The following SHCBP1 variants were observed in gnomAD, a reference collection of about 807,000 sequenced individuals.
The protein encoded by SHCBP1 is SHC binding and spindle associated 1, also known as SHC SH2 domain-binding protein 1.
A neutral mutation model predicts 75.1 loss-of-function variants in SHCBP1; 60 were observed. The observed-to-expected ratio is 0.80, with a 90% confidence interval of 0.65 to 0.99. SHCBP1 has a LOEUF of 0.99. SHCBP1 is among the 50% of genes least tolerant of loss of function. The probability of loss-of-function intolerance (pLI) is 0.00; values close to 1 mark genes in which losing one functional copy is unlikely to be tolerated. For missense variants in SHCBP1, 709 were observed against 809.4 expected (o/e 0.88, Z 1.50); for synonymous variants, 290 against 293.2 (o/e 0.99, Z 0.11).
intron 1 of SHCBP1, chr16:46,620,977 G>A (rs748709472): frequency 1.0e-4 from 40 of 388,676 alleles, no homozygotes; most frequent in Admixed American, 2.6e-4. Flanking sequence ...TCCAGATAGG[G>A]AATTCCTGGC....
At chr16:46,597,051 C>T (rs1965155679) in intron 9 of SHCBP1, among the ~76,000 whole-genome samples, 1 of 152,156 alleles carries the variant, frequency 6.6e-6, no homozygotes, top group Non-Finnish European at 1.5e-5. Flanking sequence ...GTCTTCCATA[C>T]ACACTCATAC....
chr16:46,606,265 A>C (rs1965325786), intron 5 of SHCBP1, among the ~76,000 whole-genome samples: 1 of 152,210 alleles, frequency 6.6e-6, no homozygotes, highest in Non-Finnish European at 1.5e-5. Context: ...TTTGAAGCAG[A>C]AAGGAAAAAT....
At chr16:46,612,388 A>G (rs1965430499) in intron 4 of SHCBP1, among the ~76,000 whole-genome samples, 1 of 152,182 alleles carries the variant, frequency 6.6e-6, no homozygotes, top group Non-Finnish European at 1.5e-5. Flanking sequence ...GTGAAAAGGA[A>G]GCACTGAAAA....
chr16:46,584,283 T>C (rs1448374858), intron 10 of SHCBP1, 194 bp from the exon 11 acceptor site: 76 of 409,492 alleles, frequency 1.9e-4, no homozygotes, highest in Non-Finnish European at 1.7e-5. Flanking sequence ...TTGTTGACAA[T>C]TTATCATTTT....
intron 4 of SHCBP1, 33 bp from the exon 5 acceptor site, chr16:46,608,422 T>G (rs1453096579): frequency 7.0e-7 from 1 of 1,434,544 alleles, no homozygotes; most frequent in Non-Finnish European, 9.8e-7. Flanking sequence ...TCAAATTCTA[T>G]CACTGGCTCA....
rs1964856443 is a variant in SHCBP1, at chr16:46,580,701, G to GT, written c.*1027dup. The GT allele has an allele frequency of 6.6e-6, 1 of 151,984 alleles. No homozygotes were observed. The highest frequency in any genetic ancestry group is 1.5e-5 in the Non-Finnish European group (1 of 68,020). The allele number at this position is 151,984 out of a possible 1,614,324, so 9.4% of individuals were successfully genotyped here. On this transcript the variant is annotated 3_prime_UTR_variant, in exon 13 of 13. Coordinates refer to ENST00000303383, the MANE Select transcript of SHCBP1 (RefSeq NM_024745.5). ...GGTTGTACAGTTAATCATTTTGACT[G>GT]TGTCAGTAATATAATCAGAATACTG...
At chr16:46,591,455 A>G (rs1206779898) in intron 10 of SHCBP1, among the ~76,000 whole-genome samples, 1 of 152,220 alleles carries the variant, frequency 6.6e-6, no homozygotes, top group East Asian at 1.9e-4. Flanking sequence ...ATGCTGACTC[A>G]CCAAAAAGAC....
chr16:46,581,920 C>T lies in SHCBP1; in HGVS notation c.1828G>A (p.Gly610Arg). 2.5e-6 allele frequency: 4 copies of T among 1,614,122 alleles called. No homozygotes were observed. Among genetic ancestry groups the T allele is most frequent in the Non-Finnish European group, 3.4e-6 (4 of 1,180,016 alleles). The change falls in exon 13 of 13, where the codon GGA becomes AGA. Residue 610 changes from glycine (G) to arginine (R), a missense_variant. Gly to Arg is a moderately radical substitution (Grantham distance 125, BLOSUM62 -2). Coordinates refer to ENST00000303383, the MANE Select transcript of SHCBP1 (RefSeq NM_024745.5). ...ARTDPSEQVE[G>R]NCEIVNELIA... Reference sequence around the variant, plus strand: ...AGTTCATTTACAATTTCACAATTTCCCTCGACTTGCTCAGAAGGGTCAGTT... The same window carrying T: ...AGTTCATTTACAATTTCACAATTTCTCTCGACTTGCTCAGAAGGGTCAGTT...
chr16:46,619,664 T>TC, intron 1 of SHCBP1, among the ~76,000 whole-genome samples: 1 of 152,204 alleles, frequency 6.6e-6, no homozygotes. Flanking sequence ...TCAGCACCAT[T>TC]CTTTTTTTTT....
At chr16:46,588,322 A>T (rs896453655) in intron 10 of SHCBP1, among the ~76,000 whole-genome samples, 2 of 152,222 alleles carry the variant, frequency 1.3e-5, no homozygotes, top group African/African-American at 4.8e-5. Flanking sequence ...CTAAGATCAG[A>T]GAAGAACTGA....
chr16:46,588,433 A>G (rs964887803), intron 10 of SHCBP1, among the ~76,000 whole-genome samples: 1 of 152,224 alleles, frequency 6.6e-6, no homozygotes, highest in Non-Finnish European at 1.5e-5. Flanking sequence ...CAAGACTAAT[A>G]AAGAAGAAAA....
At chr16:46,609,140 C>T (rs1965368427) in intron 4 of SHCBP1, among the ~76,000 whole-genome samples, 1 of 152,106 alleles carries the variant, frequency 6.6e-6, no homozygotes, top group African/African-American at 2.4e-5. Context: ...AATCATAAGG[C>T]AGTGGTTCTC....
At position 46,581,390 on chromosome 16, in the gene SHCBP1, C is replaced by A; in HGVS notation, c.*339G>T. ...ATTGCATTTTTATGCACTAGTCTTG[C>A]ATTCCCTTCCTTACTTCCTCGTCTT... On this transcript the variant is annotated 3_prime_UTR_variant, in exon 13 of 13. Coordinates refer to ENST00000303383, the MANE Select transcript of SHCBP1 (RefSeq NM_024745.5). The A allele has an allele frequency of 4.1e-6, 1 of 246,632 alleles. No individual in the cohort carries two copies. The highest frequency in any genetic ancestry group is 6.7e-5 in the South Asian group (1 of 14,948). 15.3% of individuals were successfully genotyped at this position (246,632 alleles called of 1,614,324 possible). A position where few individuals can be genotyped will look rare whatever the true frequency, so the allele number is the denominator to read the frequency against.
chr16:46,607,801 A>T (rs965877913), intron 5 of SHCBP1, among the ~76,000 whole-genome samples: 5 of 152,208 alleles, frequency 3.3e-5, no homozygotes, highest in African/African-American at 1.2e-4. Context: ...CCTAAGGTAG[A>T]TCTGCTAGTT....
chr16:46,617,865 T>A, intron 2 of SHCBP1, 116 bp from the exon 3 acceptor site: 2 of 820,974 alleles, frequency 2.4e-6, no homozygotes, highest in Non-Finnish European at 3.9e-6. Flanking sequence ...ATAATCTACT[T>A]GCAAACTAAA....
In SHCBP1 at chr16:46,604,412, A is replaced by G. The variant is rs1263961580; in HGVS notation, c.739T>C (p.Tyr247His). The G allele has an allele frequency of 6.2e-7, 1 of 1,614,134 alleles. No homozygotes were observed. Among genetic ancestry groups the G allele is most frequent in the South Asian group, 1.1e-5 (1 of 91,082 alleles). Residue 247 changes from tyrosine (Y) to histidine (H), a missense_variant, in exon 6 of 13, where the codon TAC becomes CAC. Coordinates refer to ENST00000303383, the MANE Select transcript of SHCBP1 (RefSeq NM_024745.5). ...DRVPSGLIVD[Y>H]HNLLSQCEES... ...TCACATTGAGACAACAGATTGTGGTAGTCAACAATAAGTCCTGATGGAACT... is the reference window on the plus strand; with the variant it reads ...TCACATTGAGACAACAGATTGTGGTGGTCAACAATAAGTCCTGATGGAACT...
At chr16:46,608,642 C>G (rs1302918325) in intron 4 of SHCBP1, among the ~76,000 whole-genome samples, 1 of 129,084 alleles carries the variant, frequency 7.7e-6, no homozygotes, top group East Asian at 2.4e-4. Context: ...CTCACTCTGT[C>G]TCTGGGGCTG....
chr16:46,581,473 C>T lies in SHCBP1; in HGVS notation c.*256G>A, dbSNP rs1964869510. 1 of 423,048 alleles carries T rather than the reference C, an allele frequency of 2.4e-6. No homozygotes were observed. The highest frequency in any genetic ancestry group is 3.3e-5 in the South Asian group (1 of 30,132). 26.2% of individuals were successfully genotyped at this position (423,048 alleles called of 1,614,324 possible). A position where few individuals can be genotyped will look rare whatever the true frequency, so the allele number is the denominator to read the frequency against. ...ACTACCAGGCTTAATATGAGAGAAC[C>T]ATGTGTATAAGAAAGCAAGACTTTC... On this transcript the variant is annotated 3_prime_UTR_variant, in exon 13 of 13. Coordinates refer to ENST00000303383, the MANE Select transcript of SHCBP1 (RefSeq NM_024745.5).
intron 9 of SHCBP1, among the ~76,000 whole-genome samples, chr16:46,597,254 C>G (rs1490893170): frequency 6.6e-6 from 1 of 151,930 alleles, no homozygotes; most frequent in Non-Finnish European, 1.5e-5. Context: ...CTAAAAAATA[C>G]AAAAATTAGC....
Sources: allele counts gnomAD v4.1 joint callset (sites outside exome capture counted in the v4.1 genomes callset), GRCh38; gene constraint gnomAD v4.1.1; transcripts MANE v1.5; gene names NCBI Gene and HGNC (gene_info 2026-07-23, HGNC 2026-07-21).